Variants in YY1 observed in about 807,000 individuals in gnomAD.
The protein encoded by YY1 is YY1 transcription factor, also known as transcriptional repressor protein YY1.
A neutral mutation model predicts 35.6 loss-of-function variants in YY1; 2 were observed. The ratio of observed to expected loss-of-function variants is 0.06; its 90% confidence interval spans 0.02 to 0.18. YY1 has a LOEUF of 0.18. Among genes scored for constraint, YY1 ranks in the 10% least tolerant of loss-of-function variants. The pLI, the probability that YY1 is intolerant of heterozygous loss-of-function variation, is 1.00. For missense variants in YY1, 322 were observed against 573.4 expected (o/e 0.56, Z 4.48); for synonymous variants, 268 against 238.9 (o/e 1.12, Z -1.12).
At chr14:100,243,448 A>G (rs942533508) in intron 1 of YY1, among the ~76,000 whole-genome samples, 3 of 152,208 alleles carry the variant, frequency 2.0e-5, no homozygotes, top group African/African-American at 7.2e-5. Flanking sequence ...TTGTACATAC[A>G]GGGTATTCCC....
chr14:100,262,536 G>C, intron 2 of YY1, 70 bp downstream of exon 2: 1 of 1,513,932 alleles, frequency 6.6e-7, no homozygotes, highest in Non-Finnish European at 9.2e-7. Flanking sequence ...ATGTTTTCCT[G>C]TGCCTAAGTC....
chr14:100,244,394 C>T (rs1399033336), intron 1 of YY1, among the ~76,000 whole-genome samples: 2 of 124,678 alleles, frequency 1.6e-5, no homozygotes, highest in African/African-American at 6.3e-5. Context: ...TGTGAGATCT[C>T]GGCTCACTGC....
intron 2 of YY1, among the ~76,000 whole-genome samples, chr14:100,273,688 A>G (rs923431012): frequency 6.6e-6 from 1 of 152,114 alleles, no homozygotes; most frequent in Non-Finnish European, 1.5e-5. Context: ...ATTAAATATG[A>G]ACCATCATGG....
intron 1 of YY1, among the ~76,000 whole-genome samples, chr14:100,242,391 T>G (rs1023659876): frequency 0.03 from 4,199 of 140,970 alleles, 213 homozygotes; most frequent in African/African-American, 0.097. Flanking sequence ...TTTTTTTTTT[T>G]TTTTTTTTTT....
In YY1 at chr14:100,260,771, C is replaced by CTTTTTTTTTTTTTTTT. The variant is rs71113254; in HGVS notation, c.680-1509_680-1494dup. Among the ~76,000 whole-genome samples the CTTTTTTTTTTTTTTTT allele has an allele frequency of 1.2e-4, 5 of 42,568 alleles. 1 individual carries two copies. Among genetic ancestry groups the CTTTTTTTTTTTTTTTT allele is most frequent in the African/African-American group, 1.8e-4 (2 of 10,868 alleles). The allele number at this position is 42,568 out of a possible 152,430, so 27.9% of individuals were successfully genotyped here. ...CAGGTGTGAGCCACCGTGCCTGGTCCTTTTTTTTTTTTTTTTTTTTTTTTT... is the reference window on the plus strand; with the variant it reads ...CAGGTGTGAGCCACCGTGCCTGGTCCTTTTTTTTTTTTTTTTTTTTTTTTTTTTTTTTTTTTTTTTT... On this transcript the variant is annotated intron_variant, in intron 1 of 4. Transcript: ENST00000262238.
At position 100,268,979 on chromosome 14, in the gene YY1, G is replaced by A. The variant is rs75797249; in HGVS notation, c.843-5719G>A. On this transcript the variant is annotated intron_variant, in intron 2 of 4. Transcript: ENST00000262238. ...ATACTGTGCCAGAAGTTTGGGTTCT[G>A]AAGTCCACAATCTTTACAACGTTCT... Among the ~76,000 whole-genome samples, 450 of 152,318 alleles carry A rather than the reference G, an allele frequency of 3.0e-3. 4 individuals are homozygous for A. Among genetic ancestry groups the A allele is most frequent in the African/African-American group, 1.0e-2 (414 of 41,574 alleles).
chr14:100,244,759 C>T (rs1203581995), intron 1 of YY1, among the ~76,000 whole-genome samples: 1 of 151,328 alleles, frequency 6.6e-6, no homozygotes, highest in African/African-American at 2.4e-5. Flanking sequence ...ATGGGGTCTC[C>T]TTATGTTGCC....
intron 2 of YY1, among the ~76,000 whole-genome samples, chr14:100,266,641 T>C (rs781264754): frequency 1.8e-4 from 27 of 152,132 alleles, no homozygotes; most frequent in Middle Eastern, 6.8e-3. Flanking sequence ...GGGTACCAGA[T>C]AGCCATCCAA....
chr14:100,257,064 T>C (rs1265287545), intron 1 of YY1, among the ~76,000 whole-genome samples: 1 of 152,178 alleles, frequency 6.6e-6, no homozygotes, highest in East Asian at 1.9e-4. Context: ...GTTGGTAGTG[T>C]ATGCCACTTG....
chr14:100,246,272 C>G (rs916696613), intron 1 of YY1, among the ~76,000 whole-genome samples: 6 of 152,226 alleles, frequency 3.9e-5, no homozygotes, highest in African/African-American at 1.4e-4. Flanking sequence ...GAGGATAGCA[C>G]AGGTGCGGGG....
chr14:100,276,231 T>C lies in YY1; in HGVS notation c.904-259T>C, dbSNP rs891887916. Reference sequence around the variant, plus strand: ...TTGGCTACTACTAGTAGTGTGACCTTGGGCAAGTCTACTTAAAGACATCTC... The same window carrying C: ...TTGGCTACTACTAGTAGTGTGACCTCGGGCAAGTCTACTTAAAGACATCTC... On this transcript the variant is annotated intron_variant, in intron 3 of 4. Transcript: ENST00000262238. The surrounding 1 kb of genome is among the most constrained non-coding windows in gnomAD (Gnocchi z 4.1). 5 of 479,328 alleles carry C rather than the reference T, an allele frequency of 1.0e-5. No homozygotes were observed. The highest frequency in any genetic ancestry group is 9.8e-5 in the African/African-American group (5 of 50,862). 29.7% of individuals were successfully genotyped at this position (479,328 alleles called of 1,614,324 possible).
intron 1 of YY1, among the ~76,000 whole-genome samples, chr14:100,248,092 GCAC>G (rs3073357): frequency 0.033 from 4,830 of 146,678 alleles, 121 homozygotes; most frequent in Non-Finnish European, 0.051. Context: ...TTACAGGTGT[GCAC>G]CACCACGCCC....
In YY1 at chr14:100,276,486, T is replaced by C. The variant is rs746419490; in HGVS notation, c.904-4T>C. ...AACTTCTAAGCTGCTTTCTCTGTTT[T>C]AAGGGCTGCACAAAGATGTTCAGGG... On this transcript the variant is annotated splice_polypyrimidine_tract_variant and splice_region_variant and intron_variant, in intron 3 of 4. Transcript: ENST00000262238. The surrounding 1 kb of genome is among the most constrained non-coding windows in gnomAD (Gnocchi z 4.1). 2.8e-5 allele frequency: 46 copies of C among 1,614,098 alleles called. No individual in the cohort carries two copies. Among genetic ancestry groups the C allele is most frequent in the Non-Finnish European group, 3.1e-5 (37 of 1,180,046 alleles).
Position 100,277,921 on chromosome 14 carries a change from G to T in YY1, c.*321G>T. On this transcript the variant is annotated 3_prime_UTR_variant, in exon 5 of 5. Coordinates refer to ENST00000262238, the MANE Select transcript of YY1 (RefSeq NM_003403.5). The surrounding 1 kb of genome is among the most constrained non-coding windows in gnomAD (Gnocchi z 5.6). ...CTTTATACAACAGTGCTAAAAATGG[G>T]ACTTCTTTTCACATTCTTATAAATA... 3.4e-6 allele frequency: 1 copy of T among 291,074 alleles called. No individual in the cohort carries two copies. Among genetic ancestry groups the T allele is most frequent in the Non-Finnish European group, 6.5e-6 (1 of 153,600 alleles). 18.0% of individuals were successfully genotyped at this position (291,074 alleles called of 1,614,324 possible). A position where few individuals can be genotyped will look rare whatever the true frequency, so the allele number is the denominator to read the frequency against.
intron 1 of YY1, among the ~76,000 whole-genome samples, chr14:100,240,213 G>C (rs1890709526): frequency 7.0e-6 from 1 of 143,736 alleles, no homozygotes. Flanking sequence ...CGGGGGAGGG[G>C]CCGGCGCGCT....
intron 1 of YY1, among the ~76,000 whole-genome samples, chr14:100,253,377 G>A (rs1165788624): frequency 6.6e-6 from 1 of 152,182 alleles, no homozygotes; most frequent in African/African-American, 2.4e-5. Flanking sequence ...GAAGGGAATA[G>A]TATTTTTAGT....
Position 100,274,716 on chromosome 14 carries a change from T to G in YY1, c.861T>G (p.Ile287Met). Residue 287 changes from isoleucine (I) to methionine (M), a missense_variant, in exon 3 of 5, where the codon ATT becomes ATG. Ile to Met is a conservative substitution (Grantham distance 10). This residue lies in a region of YY1 where 26 missense variants were observed against 212.6 expected (regional missense o/e 0.12). Transcript: ENST00000262238. ...TGATAAGAATGAAGCCAAGAAAAATTAAAGAAGATGATGCTCCAAGAACAA... is the reference window on the plus strand; with the variant it reads ...TGATAAGAATGAAGCCAAGAAAAATGAAAGAAGATGATGCTCCAAGAACAA... The part of the protein sequence containing the change: ...AEFARMKPRK[I>M]KEDDAPRTIA... 6.2e-7 allele frequency: 1 copy of G among 1,614,006 alleles called. No homozygotes were observed. Among genetic ancestry groups the G allele is most frequent in the Non-Finnish European group, 8.5e-7 (1 of 1,179,896 alleles).
Position 100,276,919 on chromosome 14 carries a change from AC to A in YY1, c.1062+273del. On this transcript the variant is annotated intron_variant, in intron 4 of 4. Transcript: ENST00000262238. This position sits in a 1 kb window ranked among gnomAD's most constrained non-coding sequence, Gnocchi z 4.1. ...GGAGGAGAACAGGATTGAAGAGCAT[AC>A]CTAAAACTCAATTTCTACTTCATTC... The A allele has an allele frequency of 2.0e-6, 1 of 512,090 alleles. No homozygotes were observed. The highest frequency in any genetic ancestry group is 2.2e-5 in the South Asian group (1 of 45,904). The allele number at this position is 512,090 out of a possible 1,614,324, so 31.7% of individuals were successfully genotyped here. A position where few individuals can be genotyped will look rare whatever the true frequency, so the allele number is the denominator to read the frequency against.
chr14:100,239,391 C>A lies in YY1; in HGVS notation c.147C>A (p.Asp49Glu). 6.3e-7 allele frequency: 1 copy of A among 1,599,524 alleles called. No homozygotes were observed. The highest frequency in any genetic ancestry group is 8.5e-7 in the Non-Finnish European group (1 of 1,173,910). The change falls in exon 1 of 5, where the codon GAC becomes GAA. Residue 49 changes from aspartate (D) to glutamate (E), a missense_variant. Transcript: ENST00000262238. ...TVVGEEEEED[D>E]DDEDGGGGDH... ...TGGGCGAGGAGGAGGAGGAGGACGA[C>A]GACGACGAGGACGGCGGCGGTGGCG...
Sources: allele counts gnomAD v4.1 joint callset (sites outside exome capture counted in the v4.1 genomes callset), GRCh38; gene constraint gnomAD v4.1.1; regional missense constraint gnomAD v4.1.1; non-coding constraint Gnocchi (gnomAD v3.1); transcripts MANE v1.5; gene names NCBI Gene and HGNC (gene_info 2026-07-23, HGNC 2026-07-21).